The following MFHAS1 variants were observed in gnomAD, a reference collection of about 807,000 sequenced individuals.
The protein encoded by MFHAS1 is multifunctional ROCO family signaling regulator 1, also known as malignant fibrous histiocytoma-amplified sequence 1.
A neutral mutation model predicts 70.4 loss-of-function variants in MFHAS1; 50 were observed. That is an observed-to-expected ratio of 0.71 (90% CI 0.57 to 0.90). MFHAS1 has a LOEUF of 0.90. MFHAS1 is among the 40% of genes least tolerant of loss of function. The pLI is 0.00. For missense variants in MFHAS1, 1,795 were observed against 1,347.6 expected, an observed-to-expected ratio of 1.33 and a Z score of -5.20; for synonymous variants, 952 against 620.0, an observed-to-expected ratio of 1.54 and a Z score of -7.96.
In MFHAS1 at chr8:8,892,645, C is replaced by T. The variant is rs375796811; in HGVS notation, c.414G>A (p.Arg138=). Residue 138 remains arginine, a synonymous_variant, in exon 1 of 3, where the codon CGG becomes CGA. Transcript: ENST00000276282. The surrounding 1 kb of genome is among the most constrained non-coding windows in gnomAD (Gnocchi z 4.7). ...AEVVSALREL[R]KLNLSHNQLP... Reference sequence around the variant, plus strand: ...GCTGGTTGTGGCTGAGGTTGAGCTTCCGCAGCTCCCTCAGAGCACTCACCA... The same window carrying T: ...GCTGGTTGTGGCTGAGGTTGAGCTTTCGCAGCTCCCTCAGAGCACTCACCA... 4 of 1,597,820 alleles carry T rather than the reference C, an allele frequency of 2.5e-6. No homozygotes were observed. The highest frequency in any genetic ancestry group is 3.4e-6 in the Non-Finnish European group (4 of 1,173,080).
chr8:8,813,496 G>C (rs888281883), intron 1 of MFHAS1, among the ~76,000 whole-genome samples: 2 of 152,168 alleles, frequency 1.3e-5, no homozygotes, highest in Non-Finnish European at 2.9e-5. Context: ...GGAGGTAGAA[G>C]ACAGTGATAT....
intron 1 of MFHAS1, among the ~76,000 whole-genome samples, chr8:8,850,228 C>T (rs1808191349): frequency 6.6e-6 from 1 of 152,188 alleles, no homozygotes; most frequent in Non-Finnish European, 1.5e-5. Flanking sequence ...CTCTCAGCTA[C>T]ACCCCTTGGT....
chr8:8,787,074 G>T, intron 2 of MFHAS1, among the ~76,000 whole-genome samples: 1 of 124,948 alleles, frequency 8.0e-6, no homozygotes, highest in African/African-American at 3.1e-5. Flanking sequence ...ATCTTACTCA[G>T]TATTATTATT....
intron 1 of MFHAS1, among the ~76,000 whole-genome samples, chr8:8,806,914 T>C (rs1197965466): frequency 8.6e-5 from 13 of 152,012 alleles, no homozygotes; most frequent in Middle Eastern, 3.2e-3. Flanking sequence ...AGAGCCGAGA[T>C]TGTGCCACTG....
At chr8:8,883,969 G>T (rs1300030284) in intron 1 of MFHAS1, among the ~76,000 whole-genome samples, 1 of 150,758 alleles carries the variant, frequency 6.6e-6, no homozygotes, top group South Asian at 2.1e-4. Flanking sequence ...AGGCTGAGTG[G>T]GGAGGACCAT....
intron 1 of MFHAS1, among the ~76,000 whole-genome samples, chr8:8,876,733 G>T (rs189408628): frequency 6.6e-6 from 1 of 152,012 alleles, no homozygotes; most frequent in African/African-American, 2.4e-5. Context: ...GTGTTCATAT[G>T]AACAGAGATC....
At chr8:8,837,255 C>T (rs1390817301) in intron 1 of MFHAS1, among the ~76,000 whole-genome samples, 1 of 152,066 alleles carries the variant, frequency 6.6e-6, no homozygotes, top group Non-Finnish European at 1.5e-5. Context: ...AATAGTTATC[C>T]TTGCTGGGCT....
chr8:8,805,657 T>G (rs1330394892), intron 1 of MFHAS1, among the ~76,000 whole-genome samples: 1 of 152,150 alleles, frequency 6.6e-6, no homozygotes, highest in African/African-American at 2.4e-5. Flanking sequence ...CAACTGCATT[T>G]CCCTTTCATG....
chr8:8,803,260 C>T (rs1806145479), intron 1 of MFHAS1, among the ~76,000 whole-genome samples: 2 of 151,952 alleles, frequency 1.3e-5, no homozygotes, highest in Non-Finnish European at 2.9e-5. Context: ...CCTGTAATAC[C>T]AGCACTTTGG....
At chr8:8,839,133 T>A (rs1309848057) in intron 1 of MFHAS1, among the ~76,000 whole-genome samples, 1 of 152,112 alleles carries the variant, frequency 6.6e-6, no homozygotes, top group African/African-American at 2.4e-5. Context: ...GGATATTACT[T>A]AGTATTATAA....
At chr8:8,871,483 G>A (rs750159240) in intron 1 of MFHAS1, among the ~76,000 whole-genome samples, 1 of 152,168 alleles carries the variant, frequency 6.6e-6, no homozygotes, top group Non-Finnish European at 1.5e-5. Flanking sequence ...CAGGGAGGTG[G>A]AGGTTGCAGT....
intron 1 of MFHAS1, among the ~76,000 whole-genome samples, chr8:8,852,758 G>C (rs1434925019): frequency 6.6e-6 from 1 of 152,134 alleles, no homozygotes; most frequent in African/African-American, 2.4e-5. Context: ...GCACAGCCAA[G>C]AGAAAGCATC....
At chr8:8,846,662 C>G (rs1227598097) in intron 1 of MFHAS1, among the ~76,000 whole-genome samples, 3 of 152,012 alleles carry the variant, frequency 2.0e-5, no homozygotes, top group Admixed American at 6.6e-5. Flanking sequence ...TCAAACAAAC[C>G]AAGAACACAG....
intron 2 of MFHAS1, among the ~76,000 whole-genome samples, chr8:8,792,280 T>G (rs35457364): frequency 1.3e-5 from 2 of 150,626 alleles, no homozygotes; most frequent in East Asian, 4.0e-4. Flanking sequence ...CACACCAGCC[T>G]GCAAAACCAT....
chr8:8,880,364 C>T (rs1354778821), intron 1 of MFHAS1, among the ~76,000 whole-genome samples: 2 of 152,150 alleles, frequency 1.3e-5, no homozygotes, highest in Admixed American at 6.5e-5. Flanking sequence ...TACTAAATGA[C>T]AGGGAATAGT....
At chr8:8,844,657 C>T (rs889822221) in intron 1 of MFHAS1, among the ~76,000 whole-genome samples, 7 of 152,184 alleles carry the variant, frequency 4.6e-5, no homozygotes, top group Admixed American at 6.5e-5. Flanking sequence ...GACCATCTCT[C>T]ATGCACCACC....
At chr8:8,846,769 G>T (rs895875691) in intron 1 of MFHAS1, among the ~76,000 whole-genome samples, 1 of 151,994 alleles carries the variant, frequency 6.6e-6, no homozygotes, top group African/African-American at 2.4e-5. Flanking sequence ...AGGTTCTGCT[G>T]AATTAGCCCT....
chr8:8,846,794 C>G (rs1585048972), intron 1 of MFHAS1, among the ~76,000 whole-genome samples: 1 of 152,090 alleles, frequency 6.6e-6, no homozygotes, highest in South Asian at 2.1e-4. Context: ...GACAGGTTTT[C>G]CTTGGCTGCT....
At chr8:8,814,365 C>G (rs1234359864) in intron 1 of MFHAS1, among the ~76,000 whole-genome samples, 2 of 152,184 alleles carry the variant, frequency 1.3e-5, no homozygotes, top group Non-Finnish European at 1.5e-5. Flanking sequence ...GTTTGTAGCC[C>G]AAGAGCAATA....
Sources: gnomAD v4.1 joint callset for allele counts (sites outside exome capture counted in the v4.1 genomes callset) on GRCh38, gnomAD v4.1.1 for gene constraint, Gnocchi (gnomAD v3.1) non-coding constraint, MANE v1.5 for transcripts, NCBI Gene and HGNC (gene_info 2026-07-23, HGNC 2026-07-21) for gene names.